The following TUFT1 variants were observed in gnomAD, a reference collection of about 807,000 sequenced individuals.
The protein encoded by TUFT1 is tuftelin 1, also known as tuftelin.
In TUFT1, 43 loss-of-function variants were observed where a neutral mutation model predicts 57.8. The ratio of observed to expected loss-of-function variants is 0.74; its 90% CI spans 0.58 to 0.96. The LOEUF is 0.96. TUFT1 is among the 40% of genes least tolerant of loss of function. TUFT1 has a pLI of 0.00. For missense variants in TUFT1, 459 were observed against 489.0 expected, an observed-to-expected ratio of 0.94 and a Z score of 0.58; for synonymous variants, 166 against 176.7, an observed-to-expected ratio of 0.94 and a Z score of 0.48.
intron 5 of TUFT1, among the ~76,000 whole-genome samples, chr1:151,565,285 C>A (rs1194371521): frequency 6.6e-6 from 1 of 152,234 alleles, no homozygotes; most frequent in Non-Finnish European, 1.5e-5. Flanking sequence ...AACTCGAGGA[C>A]AGAAATGTCC....
rs761021245 is a variant in TUFT1, at chr1:151,569,734, C to T, written c.558C>T (p.Ala186=). ...ACTTGCTGGCCAAGCTTCAGGAGGC[C>T]AAGCGGCAACACCAGTCAGACTGTG... The part of the protein sequence containing the change: ...VQDLLAKLQE[A]KRQHQSDCVA... The change falls in exon 7 of 13, where the codon GCC becomes GCT. Residue 186 remains alanine, a synonymous_variant. Transcript: ENST00000368849. 6.2e-7 allele frequency: 1 copy of T among 1,613,898 alleles called. No homozygotes were observed. Among genetic ancestry groups the T allele is most frequent in the Non-Finnish European group, 8.5e-7 (1 of 1,179,956 alleles).
At chr1:151,557,414 C>T (rs1407420892) in intron 1 of TUFT1, 2 of 954,168 alleles carry the variant, frequency 2.1e-6, no homozygotes, top group East Asian at 5.2e-5. Flanking sequence ...AGGGGCTTTC[C>T]AGCCCCAGCC....
intron 2 of TUFT1, 149 bp from the exon 3 acceptor site, chr1:151,562,436 A>G (rs1224180920): frequency 5.3e-6 from 4 of 750,030 alleles, no homozygotes; most frequent in Admixed American, 5.3e-5. Flanking sequence ...TTCGGAAACG[A>G]ATTTTTGGAG....
Position 151,563,894 on chromosome 1 carries a change from C to T in TUFT1, c.238-10C>T. ...TGAGGTTTCTTAACTAAATGGTGTT[C>T]TTATTTCAGGTGTACTTGAAGGGGA... On this transcript the variant is annotated splice_polypyrimidine_tract_variant and intron_variant, in intron 3 of 12. Coordinates refer to ENST00000368849, the MANE Select transcript of TUFT1 (RefSeq NM_020127.3). 1 of 1,612,348 alleles carries T rather than the reference C, an allele frequency of 6.2e-7. No homozygotes were observed. Among genetic ancestry groups the T allele is most frequent in the Non-Finnish European group, 8.5e-7 (1 of 1,178,528 alleles).
At chr1:151,552,107 A>G (rs1011081412) in intron 1 of TUFT1, among the ~76,000 whole-genome samples, 1 of 152,236 alleles carries the variant, frequency 6.6e-6, no homozygotes, top group Non-Finnish European at 1.5e-5. Context: ...AAGTGGAATC[A>G]TACAGTATAC....
intron 2 of TUFT1, among the ~76,000 whole-genome samples, 154 bp downstream of exon 2, chr1:151,562,319 A>G (rs1284304798): frequency 6.6e-6 from 1 of 152,200 alleles, no homozygotes; most frequent in Non-Finnish European, 1.5e-5. Context: ...AGCCTTCTGC[A>G]CTGCTTTGGG....
intron 1 of TUFT1, chr1:151,557,705 G>T (rs1350542804): frequency 2.5e-6 from 2 of 809,850 alleles, no homozygotes; most frequent in East Asian, 4.8e-5. Context: ...CTGCCCCGGA[G>T]ATTGTGCCTG....
intron 1 of TUFT1, among the ~76,000 whole-genome samples, chr1:151,557,216 C>G (rs530968195): frequency 6.6e-6 from 1 of 152,190 alleles, no homozygotes; most frequent in East Asian, 1.9e-4. Context: ...TGGCATTTTA[C>G]TAGTTTGAGT....
chr1:151,571,360 T>C (rs1018327985), intron 7 of TUFT1, among the ~76,000 whole-genome samples: 2 of 152,196 alleles, frequency 1.3e-5, no homozygotes, highest in Non-Finnish European at 2.9e-5. Context: ...AAGTTTGTTG[T>C]GTAGATCGAG....
chr1:151,552,944 G>A (rs1665557845), intron 1 of TUFT1, among the ~76,000 whole-genome samples: 1 of 152,138 alleles, frequency 6.6e-6, no homozygotes, highest in African/African-American at 2.4e-5. Flanking sequence ...AAAAGGGTAT[G>A]ATCTAATGCT....
intron 6 of TUFT1, among the ~76,000 whole-genome samples, chr1:151,567,897 C>G (rs6675022): frequency 6.6e-6 from 1 of 151,950 alleles, no homozygotes; most frequent in South Asian, 2.1e-4. Flanking sequence ...TGTGATTATA[C>G]AATACAAAAC....
chr1:151,578,705 TG>T lies in TUFT1; in HGVS notation c.819-14del. 4 of 1,546,992 alleles carry T rather than the reference TG, an allele frequency of 2.6e-6. No individual in the cohort carries two copies. The highest frequency in any genetic ancestry group is 3.5e-6 in the Non-Finnish European group (4 of 1,143,518). Reference sequence around the variant, plus strand: ...ATCTTGTTCCATTGCCTCAGCCTTCTGGTCTTTATCCCCAGGGCTGCTACCC... The same window carrying T: ...ATCTTGTTCCATTGCCTCAGCCTTCTGTCTTTATCCCCAGGGCTGCTACCC... On this transcript the variant is annotated splice_polypyrimidine_tract_variant and intron_variant, in intron 9 of 12. Transcript: ENST00000368849.
chr1:151,561,894 C>G lies in TUFT1; in HGVS notation c.61-197C>G, dbSNP rs923325943. The G allele has an allele frequency of 6.6e-6, 10 of 1,517,962 alleles. No individual in the cohort carries two copies. The African/African-American group carries it at 1.2e-4, about 19-fold the overall frequency. The allele number at this position is 1,517,962 out of a possible 1,614,324, so 94.0% of individuals were successfully genotyped here. The stretch of plus-strand genomic sequence containing the variant: ...GTGAAAGAAAAAACTGTTGGGTGGT[C>G]CCAGAGTCACCACCCCAAACACCTG... On this transcript the variant is annotated intron_variant, in intron 1 of 12. Transcript: ENST00000368849.
Position 151,562,582 on chromosome 1 carries a change from C to G in TUFT1, c.136-3C>G. 6.2e-7 allele frequency: 1 copy of G among 1,611,206 alleles called. No homozygotes were observed. Among genetic ancestry groups the G allele is most frequent in the Non-Finnish European group, 8.5e-7 (1 of 1,179,492 alleles). Reference sequence around the variant, plus strand: ...TCTCTCTCTCTCATCTCTCTTTGGCCAGGCGGGCAGGAAGACCTATGCCAT... The same window carrying G: ...TCTCTCTCTCTCATCTCTCTTTGGCGAGGCGGGCAGGAAGACCTATGCCAT... On this transcript the variant is annotated splice_region_variant and splice_polypyrimidine_tract_variant and intron_variant, in intron 2 of 12. Transcript: ENST00000368849.
chr1:151,566,817 TA>T (rs1558010535), intron 6 of TUFT1, among the ~76,000 whole-genome samples: 1 of 151,770 alleles, frequency 6.6e-6, no homozygotes, highest in Non-Finnish European at 1.5e-5. Context: ...CTAAAGAGTA[TA>T]TTATAACCTT....
At chr1:151,552,631 G>A (rs1183826477) in intron 1 of TUFT1, among the ~76,000 whole-genome samples, 1 of 149,592 alleles carries the variant, frequency 6.7e-6, no homozygotes, top group Non-Finnish European at 1.5e-5. Flanking sequence ...TTGAGCCCGG[G>A]AGGTGGAGGT....
chr1:151,569,755 C>G lies in TUFT1; in HGVS notation c.579C>G (p.Asp193Glu), dbSNP rs779976584. 3.7e-6 allele frequency: 6 copies of G among 1,613,766 alleles called. No individual in the cohort carries two copies. The African/African-American group carries it at 8.0e-5, about 22-fold the overall frequency. The part of the protein sequence containing the change: ...LQEAKRQHQS[D>E]CVAFEVTLSR... ...AGGCCAAGCGGCAACACCAGTCAGACTGTGTGGCTTTTGAGGTGAGATTTG... is the reference window on the plus strand; with the variant it reads ...AGGCCAAGCGGCAACACCAGTCAGAGTGTGTGGCTTTTGAGGTGAGATTTG... Residue 193 changes from aspartate (D) to glutamate (E), a missense_variant, in exon 7 of 13, where the codon GAC becomes GAG. Physicochemically the swap from Asp to Glu is conservative, Grantham distance 45 (BLOSUM62 2). Transcript: ENST00000368849.
chr1:151,546,108 C>T (rs563539807), intron 1 of TUFT1, among the ~76,000 whole-genome samples: 2 of 147,744 alleles, frequency 1.4e-5, no homozygotes, highest in Non-Finnish European at 3.0e-5. Context: ...TTTTTTCATC[C>T]TCTCTCTCTT....
chr1:151,564,741 T>C, intron 5 of TUFT1, 127 bp downstream of exon 5: 2 of 764,812 alleles, frequency 2.6e-6, no homozygotes, highest in Non-Finnish European at 4.4e-6. Context: ...AAAATAGAGG[T>C]GATGCTGGCT....
Sources: gnomAD v4.1 joint callset for allele counts (sites outside exome capture counted in the v4.1 genomes callset) on GRCh38, gnomAD v4.1.1 for gene constraint, MANE v1.5 for transcripts, NCBI Gene and HGNC (gene_info 2026-07-23, HGNC 2026-07-21) for gene names.